The following TMEM132B variants were observed in gnomAD, a reference collection of about 807,000 sequenced individuals.
TMEM132B encodes transmembrane protein 132B.
Under a neutral mutation model 90.8 loss-of-function variants are expected in TMEM132B, and 18 were observed. That is an observed-to-expected ratio of 0.20 (90% CI 0.14 to 0.29). The LOEUF is 0.29. TMEM132B is among the 10% of genes least tolerant of loss of function. TMEM132B has a pLI of 1.00. For missense variants in TMEM132B, 1,096 were observed against 1,326.8 expected (o/e 0.83, Z 2.70); for synonymous variants, 504 against 523.3 (o/e 0.96, Z 0.50).
chr12:125,397,957 A>G (rs1405207159), intron 2 of TMEM132B, among the ~76,000 whole-genome samples: 1 of 152,228 alleles, frequency 6.6e-6, no homozygotes, highest in Non-Finnish European at 1.5e-5. Context: ...TTCTGTTTAC[A>G]TGCACTGAGA....
rs137959541 is a variant in TMEM132B at position 125,346,842 on chromosome 12, G to A, written c.68-2610G>A. ...ATAATTTAAAGGAAGTTATGAGGTC[G>A]TTTTCAATTAACATATTGTGTTTTC... On this transcript the variant is annotated intron_variant, in intron 1 of 8. Transcript: ENST00000682704. Among the ~76,000 whole-genome samples, 11 of 152,316 alleles carry A rather than the reference G, an allele frequency of 7.2e-5. No homozygotes were observed. The East Asian group carries it at 9.6e-4, about 13-fold the overall frequency.
intron 5 of TMEM132B, among the ~76,000 whole-genome samples, chr12:125,595,220 T>C (rs1429971739): frequency 6.6e-6 from 1 of 152,204 alleles, no homozygotes; most frequent in South Asian, 2.1e-4. Context: ...GACCTATTGC[T>C]CTTCCTCATT....
At chr12:125,330,063 G>A (rs7961914) in intron 1 of TMEM132B, among the ~76,000 whole-genome samples, 2,623 of 152,296 alleles carry the variant, frequency 0.017, 77 homozygotes, top group African/African-American at 0.06. Flanking sequence ...TCTGTGTCAC[G>A]CTGGACTGAT....
intron 2 of TMEM132B, among the ~76,000 whole-genome samples, chr12:125,400,684 T>A (rs1879293683): frequency 6.6e-6 from 1 of 152,200 alleles, no homozygotes; most frequent in African/African-American, 2.4e-5. Context: ...TAGTGGGAGA[T>A]GCAAGCATCT....
At chr12:125,561,705 CT>C (rs76379420) in intron 4 of TMEM132B, among the ~76,000 whole-genome samples, 3,094 of 145,042 alleles carry the variant, frequency 0.021, 31 homozygotes, top group Non-Finnish European at 0.032. Context: ...TTAGAGGAAT[CT>C]TTTTTTTTTT....
chr12:125,627,953 G>A (rs1253897884), intron 5 of TMEM132B, among the ~76,000 whole-genome samples: 1 of 152,144 alleles, frequency 6.6e-6, no homozygotes, highest in Non-Finnish European at 1.5e-5. Context: ...TTAAGATAAA[G>A]ATCTCCAGTT....
intron 3 of TMEM132B, among the ~76,000 whole-genome samples, chr12:125,512,687 TGC>T (rs2136636140): frequency 6.6e-6 from 1 of 152,310 alleles, no homozygotes; most frequent in South Asian, 2.1e-4. Flanking sequence ...GACCTTTGAC[TGC>T]CAACCGCTGC....
chr12:125,584,287 C>T (rs1177345849), intron 5 of TMEM132B: 1 of 376,150 alleles, frequency 2.7e-6, no homozygotes, highest in Non-Finnish European at 4.9e-6. Context: ...TTCTCTCTAT[C>T]TTTCCTCGTA....
intron 3 of TMEM132B, among the ~76,000 whole-genome samples, chr12:125,439,146 CTT>C (rs60886266): frequency 3.6e-4 from 53 of 147,020 alleles, no homozygotes; most frequent in African/African-American, 1.1e-3. Context: ...TGTTCAGGCT[CTT>C]TTTTTTTTTG....
chr12:125,409,479 A>C (rs1053128460), intron 2 of TMEM132B, among the ~76,000 whole-genome samples: 5 of 152,002 alleles, frequency 3.3e-5, no homozygotes, highest in Non-Finnish European at 7.4e-5. Context: ...CACTCCTAAG[A>C]GGGGTGGGAA....
intron 1 of TMEM132B, among the ~76,000 whole-genome samples, chr12:125,295,242 G>T (rs547711208): frequency 1.3e-5 from 2 of 152,218 alleles, no homozygotes; most frequent in African/African-American, 4.8e-5. Flanking sequence ...AGAGCACTCC[G>T]TGGCTGGGCT....
chr12:125,347,484 A>G (rs1877400549), intron 1 of TMEM132B, among the ~76,000 whole-genome samples: 1 of 152,172 alleles, frequency 6.6e-6, no homozygotes, highest in South Asian at 2.1e-4. Context: ...CTAGAAAAGG[A>G]AAGCTCACCA....
At chr12:125,318,018 A>T (rs1265329023) in intron 1 of TMEM132B, among the ~76,000 whole-genome samples, 5 of 152,268 alleles carry the variant, frequency 3.3e-5, no homozygotes, top group Non-Finnish European at 2.9e-5. Flanking sequence ...AAATAGTAGC[A>T]AAGTGAGTGG....
At chr12:125,472,515 A>G (rs1881750734) in intron 3 of TMEM132B, among the ~76,000 whole-genome samples, 1 of 152,094 alleles carries the variant, frequency 6.6e-6, no homozygotes, top group East Asian at 1.9e-4. Flanking sequence ...TTGTTCTAGG[A>G]CCTGCAGTAG....
chr12:125,210,415 C>T (rs899583514), intron 1 of TMEM132B, among the ~76,000 whole-genome samples: 3 of 152,102 alleles, frequency 2.0e-5, no homozygotes, highest in Non-Finnish European at 2.9e-5. Context: ...CACATGGTGC[C>T]GTGGGCCATG....
intron 2 of TMEM132B, among the ~76,000 whole-genome samples, chr12:125,405,432 A>T (rs1879441237): frequency 6.6e-6 from 1 of 152,228 alleles, no homozygotes; most frequent in East Asian, 1.9e-4. Flanking sequence ...TGGCTCAATA[A>T]GGTCACATTG....
intron 1 of TMEM132B, among the ~76,000 whole-genome samples, chr12:125,227,504 C>G (rs1873709913): frequency 6.6e-6 from 1 of 152,074 alleles, no homozygotes; most frequent in South Asian, 2.1e-4. Flanking sequence ...GTGACTGGAT[C>G]TGGATACTGG....
At position 125,406,671 on chromosome 12, in the gene TMEM132B, A is replaced by AC. The variant is rs927861364; in HGVS notation, c.960-8855dup. On this transcript the variant is annotated intron_variant, in intron 2 of 8. Transcript: ENST00000682704. The surrounding 1 kb of genome is among the most constrained non-coding windows in gnomAD (Gnocchi z 8.3). ...TTCTAATTGCACGCTTCCTTCTCCA[A>AC]CCCCCGCCCATGGCAGACAGTGAAA... 6.6e-6 allele frequency among the ~76,000 whole-genome samples: 1 copy of AC among 151,786 alleles called. No individual in the cohort carries two copies. The highest frequency in any genetic ancestry group is 1.5e-5 in the Non-Finnish European group (1 of 67,944).
intron 1 of TMEM132B, among the ~76,000 whole-genome samples, chr12:125,200,158 T>C (rs1873021892): frequency 6.6e-6 from 1 of 152,166 alleles, no homozygotes; most frequent in African/African-American, 2.4e-5. Context: ...TTCTGCCTTC[T>C]AAGGTGGGGG....
Sources: allele counts gnomAD v4.1 joint callset (sites outside exome capture counted in the v4.1 genomes callset), GRCh38; gene constraint gnomAD v4.1.1; non-coding constraint Gnocchi (gnomAD v3.1); transcripts MANE v1.5; gene names NCBI Gene and HGNC (gene_info 2026-07-23, HGNC 2026-07-21).